The following POLG variants were observed in gnomAD, a reference collection of about 807,000 sequenced individuals.
POLG encodes the protein DNA polymerase gamma, catalytic subunit, also known as DNA polymerase subunit gamma-1.
Under a neutral mutation model 155.4 loss-of-function variants are expected in POLG, and 110 were observed. The observed-to-expected ratio is 0.71, with a 90% CI of 0.61 to 0.83. The LOEUF (loss-of-function observed/expected upper bound fraction) is 0.83. Among genes scored for constraint, POLG ranks in the 40% least tolerant of loss-of-function variants. The pLI, the probability that POLG is intolerant of heterozygous loss-of-function variation, is 0.00. For synonymous variants in POLG, 701 were observed against 631.5 expected, an observed-to-expected ratio of 1.11 and a Z score of -1.65; for missense variants, 1,685 against 1,627.5, an observed-to-expected ratio of 1.04 and a Z score of -0.61.
chr15:89,333,449 G>A lies in POLG; in HGVS notation c.306C>T (p.Arg102=). ...GEMPGEAAVR[R]SVEHLQKHGL... is the part of the protein sequence containing the mutation. ...CGTGCTTCTGCAGGTGCTCGACGCT[G>A]CGGCGCACCGCGGCCTCGCCAGGCA... is the stretch of plus-strand genomic sequence containing the variant. Residue 102 remains arginine (R), a synonymous_variant, in exon 2 of 23, where the codon CGC becomes CGT. Transcript: ENST00000268124. The A allele has an allele frequency of 3.1e-6, 5 of 1,610,400 alleles. No homozygotes were observed. The highest frequency in any genetic ancestry group is 4.2e-6 in the Non-Finnish European group (5 of 1,179,662).
At chr15:89,334,267 T>G (rs1437427532) in intron 1 of POLG, 2 of 169,596 alleles carry the variant, frequency 1.2e-5, no homozygotes, top group Admixed American at 1.1e-4. Context: ...GGATTACGGA[T>G]TCTGCCTGTC....
rs761452262 is a variant in POLG, at chr15:89,326,707, A to G, written c.1617T>C (p.Phe539=). ...AGGCGCGGGCCATGACATCTTGTTG[A>G]AACTCCTCCTCCTCACTGCAGGGGC... The part of the protein sequence containing the change: ...DLGPCSEEEE[F]QQDVMARACL... The change falls in exon 9 of 23, where the codon TTT becomes TTC. Residue 539 remains phenylalanine, a synonymous_variant. Transcript: ENST00000268124. 1 of 1,614,118 alleles carries G rather than the reference A, an allele frequency of 6.2e-7. No homozygotes were observed. The highest frequency in any genetic ancestry group is 8.5e-7 in the Non-Finnish European group (1 of 1,180,012).
intron 2 of POLG, among the ~76,000 whole-genome samples, chr15:89,330,839 C>T (rs964258657): frequency 6.7e-6 from 1 of 149,748 alleles, no homozygotes; most frequent in Admixed American, 6.6e-5. Flanking sequence ...CTTGGAGAAG[C>T]AACCACCCTC....
chr15:89,317,224 A>T, intron 22 of POLG, 152 bp downstream of exon 22: 1 of 702,590 alleles, frequency 1.4e-6, no homozygotes, highest in South Asian at 1.6e-5. Flanking sequence ...TTCACTCTGG[A>T]CACAGGGCAC....
chr15:89,332,999 C>A (rs2055614290), intron 2 of POLG, 97 bp downstream of exon 2: 9 of 1,467,590 alleles, frequency 6.1e-6, no homozygotes, highest in Admixed American at 2.4e-5. Context: ...TACGTGAGCA[C>A]CCAGCCCGTA....
Position 89,319,213 on chromosome 15 carries a change from A to G in POLG, c.3104+15T>C. 6.2e-7 allele frequency: 1 copy of G among 1,614,148 alleles called. No individual in the cohort carries two copies. The highest frequency in any genetic ancestry group is 8.5e-7 in the Non-Finnish European group (1 of 1,180,034). Reference sequence around the variant, plus strand: ...AGACCCCTCCCTCCATCCTTAACACAAAGAAGGTTCTTACTTCCTTGCAGT... The same window carrying G: ...AGACCCCTCCCTCCATCCTTAACACGAAGAAGGTTCTTACTTCCTTGCAGT... On this transcript the variant is annotated intron_variant, in intron 19 of 22. Transcript: ENST00000268124.
In POLG at chr15:89,327,349, C is replaced by T. The variant is rs1567191509; in HGVS notation, c.1251G>A (p.Arg417=). 6.2e-7 allele frequency: 1 copy of T among 1,612,848 alleles called. No homozygotes were observed. The highest frequency in any genetic ancestry group is 1.7e-5 in the Admixed American group (1 of 59,990). ...CGGCCAGAGTCACTGGGTGGGGACACCTTGGAGGCAAACACCAGGAGCTGC... is the reference window on the plus strand; with the variant it reads ...CGGCCAGAGTCACTGGGTGGGGACATCTTGGAGGCAAACACCAGGAGCTGC... ...FQQQLPLFLE[R]CPHPVTLAGM... The change falls in exon 7 of 23, where the codon AGG becomes AGA. Residue 417 remains arginine (R), a splice_region_variant and synonymous_variant. Transcript: ENST00000268124.
intron 18 of POLG, among the ~76,000 whole-genome samples, chr15:89,320,441 T>C (rs929143366): frequency 4.6e-5 from 7 of 152,230 alleles, no homozygotes; most frequent in Admixed American, 1.3e-4. Flanking sequence ...TTTGCTCTCA[T>C]TCCCTGTAGG....
rs1482296527 is a variant in POLG, at chr15:89,325,077, TGAGTGAGA to T, written c.1949+365_1949+372del. On this transcript the variant is annotated intron_variant, in intron 10 of 22. Coordinates refer to ENST00000268124, the MANE Select transcript of POLG (RefSeq NM_002693.3). ...GTGAGAGAGTGAGTGAGTGAGTGAG[TGAGTGAGA>T]GAGTGAGTGAGTGAGAGAGTGAGAG... Among the ~76,000 whole-genome samples the T allele has an allele frequency of 1.6e-3, 115 of 72,876 alleles. 18 individuals carry two copies. Among genetic ancestry groups the T allele is most frequent in the African/African-American group, 7.2e-3 (93 of 12,988 alleles). The allele number at this position is 72,876 out of a possible 152,430, so 47.8% of individuals were successfully genotyped here.
At chr15:89,326,575 G>C (rs774369388) in intron 9 of POLG, 37 bp downstream of exon 9, 1 of 1,609,906 alleles carries the variant, frequency 6.2e-7, no homozygotes, top group Non-Finnish European at 8.5e-7. Context: ...AGCAAGGGTA[G>C]ACTCTAGATA....
intron 10 of POLG, 36 bp downstream of exon 10, chr15:89,325,414 G>T: frequency 6.9e-7 from 1 of 1,445,806 alleles, no homozygotes; most frequent in Non-Finnish European, 9.6e-7. Flanking sequence ...GGGTCCCTAG[G>T]CTCCAGCCCC....
chr15:89,318,402 T>C, intron 21 of POLG, 139 bp downstream of exon 21: 1 of 680,860 alleles, frequency 1.5e-6, no homozygotes, highest in Non-Finnish European at 2.5e-6. Context: ...TTTTAAAAAT[T>C]AGAAATAAAT....
intron 21 of POLG, chr15:89,318,062 A>G (rs1169060157): frequency 1.2e-5 from 3 of 243,312 alleles, no homozygotes; most frequent in South Asian, 4.6e-5. Context: ...AACTCAATAT[A>G]TAAAATATAT....
Position 89,321,967 on chromosome 15 carries a change from C to G in POLG, c.2475G>C (p.Val825=). ...AACCACTCAGCAGACCATACCTGAT[C>G]ACAGCACGGGGCAGAGCTGACCTGG... ...WLPRSALPRA[V]IRHPDYDEEG... Residue 825 remains valine (V), a synonymous_variant, in exon 15 of 23, where the codon GTG becomes GTC. Transcript: ENST00000268124. 6.2e-7 allele frequency: 1 copy of G among 1,614,122 alleles called. No homozygotes were observed. The highest frequency in any genetic ancestry group is 8.5e-7 in the Non-Finnish European group (1 of 1,179,944).
At position 89,333,523 on chromosome 15, in the gene POLG, T is replaced by C. The variant is rs767576217; in HGVS notation, c.232A>G (p.Met78Val). Residue 78 changes from methionine to valine, a missense_variant, in exon 2 of 23, where the codon ATG becomes GTG. Coordinates refer to ENST00000268124, the MANE Select transcript of POLG (RefSeq NM_002693.3). ...QLRHNPLDIQMLSRGLHEQIF... is the reference protein window; with the variant it reads ...QLRHNPLDIQVLSRGLHEQIF... The stretch of plus-strand genomic sequence containing the variant: ...TGCTCGTGCAGCCCTCTCGAGAGCA[T>C]CTGGATGTCCAATGGGTTGTGCCGC... 6.2e-7 allele frequency: 1 copy of C among 1,612,890 alleles called. No homozygotes were observed. Among genetic ancestry groups the C allele is most frequent in the South Asian group, 1.1e-5 (1 of 91,088 alleles).
Position 89,324,051 on chromosome 15 carries a change from G to A in POLG, c.2070+56C>T, listed in dbSNP as rs112824476. 4.0e-4 allele frequency: 642 copies of A among 1,611,962 alleles called. No individual in the cohort carries two copies. The African/African-American group carries it at 7.6e-3, about 19-fold the overall frequency. On this transcript the variant is annotated intron_variant, in intron 11 of 22. Coordinates refer to ENST00000268124, the MANE Select transcript of POLG (RefSeq NM_002693.3). Reference sequence around the variant, plus strand: ...CCCACCCAAAGGCTGCCCCTTCCCTGGGTGGAATACAGAGACCTCCCCTCC... The same window carrying A: ...CCCACCCAAAGGCTGCCCCTTCCCTAGGTGGAATACAGAGACCTCCCCTCC...
Position 89,327,295 on chromosome 15 carries a change from C to A in POLG, c.1305G>T (p.Leu435=). ...AGMLEMGVSY[L]PVNQNWERYL... ...AACGCTCCCAGTTCTGGTTGACAGG[C>A]AGGTAGGAGACACCCATCTCCAGCA... Residue 435 remains leucine (L), a synonymous_variant, in exon 7 of 23, where the codon CTG becomes CTT. Transcript: ENST00000268124. 1 of 1,614,150 alleles carries A rather than the reference C, an allele frequency of 6.2e-7. No homozygotes were observed. The highest frequency in any genetic ancestry group is 1.3e-5 in the African/African-American group (1 of 75,058).
Position 89,333,274 on chromosome 15 carries a change from G to A in POLG, c.481C>T (p.Gln161Ter), listed in dbSNP as rs1450501337. ...LEAANLLLQA[Q>*]LPPKPPAWAW... ...CAAGCCGGGGGCTTCGGGGGCAGCTGGGCCTGCAACAGCAAGTTGGCCGCC... is the reference window on the plus strand; with the variant it reads ...CAAGCCGGGGGCTTCGGGGGCAGCTAGGCCTGCAACAGCAAGTTGGCCGCC... The change falls in exon 2 of 23, where the codon CAG becomes TAG. Residue 161 changes from glutamine to a stop codon, truncating the protein, a stop_gained. Coordinates refer to ENST00000268124, the MANE Select transcript of POLG (RefSeq NM_002693.3). LOFTEE classifies it high-confidence loss of function. The A allele has an allele frequency of 1.9e-6, 3 of 1,560,488 alleles. No homozygotes were observed. The highest frequency in any genetic ancestry group is 2.6e-6 in the Non-Finnish European group (3 of 1,151,730).
At position 89,333,464 on chromosome 15, in the gene POLG, C is replaced by A. The variant is rs751813427; in HGVS notation, c.291G>T (p.Glu97Asp). Residue 97 changes from glutamate to aspartate, a missense_variant, in exon 2 of 23, where the codon GAG (glutamate) becomes GAT (aspartate). Glu to Asp is a conservative substitution (Grantham distance 45, BLOSUM62 2). This residue lies in a region of POLG where 1,210 missense variants were observed against 1,167.1 expected (regional missense o/e 1.04). Transcript: ENST00000268124. ...IFGQGGEMPG[E>D]AAVRRSVEHL... ...GCTCGACGCTGCGGCGCACCGCGGC[C>A]TCGCCAGGCATCTCCCCTCCTTGCC... 5 of 1,611,618 alleles carry A rather than the reference C, an allele frequency of 3.1e-6. No individual in the cohort carries two copies. The highest frequency in any genetic ancestry group is 4.2e-6 in the Non-Finnish European group (5 of 1,179,680).
Sources: gnomAD v4.1 joint callset for allele counts (sites outside exome capture counted in the v4.1 genomes callset) on GRCh38, gnomAD v4.1.1 for gene constraint, gnomAD v4.1.1 regional missense constraint, MANE v1.5 for transcripts, NCBI Gene and HGNC (gene_info 2026-07-23, HGNC 2026-07-21) for gene names.